Variants in SPSB1 observed in about 807,000 individuals in gnomAD.
SPSB1 encodes splA/ryanodine receptor domain and SOCS box containing 1, also known as SPRY domain-containing SOCS box protein 1.
Under a neutral mutation model 21.2 loss-of-function variants are expected in SPSB1, and 8 were observed. That is an observed-to-expected ratio of 0.38 (90% confidence interval 0.22 to 0.68). SPSB1 has a LOEUF of 0.68. SPSB1 is among the 30% of genes least tolerant of loss of function. The probability of loss-of-function intolerance (pLI) is 0.53; values close to 1 mark genes in which losing one functional copy is unlikely to be tolerated. For synonymous variants in SPSB1, 169 were observed against 161.7 expected (o/e 1.05, Z -0.34); for missense variants, 242 against 377.8 (o/e 0.64, Z 2.98).
At chr1:9,366,402 C>T (rs1209233609) in intron 2 of SPSB1, among the ~76,000 whole-genome samples, 2 of 152,198 alleles carry the variant, frequency 1.3e-5, no homozygotes, top group South Asian at 2.1e-4. Flanking sequence ...ACCTTCAGGC[C>T]GTGGGGCCAG....
At chr1:9,355,362 G>T (rs955105521) in intron 1 of SPSB1, among the ~76,000 whole-genome samples, 2 of 152,234 alleles carry the variant, frequency 1.3e-5, no homozygotes, top group African/African-American at 2.4e-5. Flanking sequence ...CCTCTGTTTT[G>T]ACCAAGCAAA....
intron 1 of SPSB1, among the ~76,000 whole-genome samples, chr1:9,352,214 G>A (rs1033514655): frequency 7.2e-5 from 11 of 152,332 alleles, no homozygotes; most frequent in Admixed American, 6.5e-4. Flanking sequence ...GAGAGGTTGT[G>A]GAGCCGACCT....
rs577393804 is a variant in SPSB1 at position 9,353,540 on chromosome 1, C to T, written c.-149-2203C>T. Among the ~76,000 whole-genome samples the T allele has an allele frequency of 4.6e-5, 7 of 152,296 alleles. No homozygotes were observed. The East Asian group carries it at 9.7e-4, about 21-fold the overall frequency. On this transcript the variant is annotated intron_variant, in intron 1 of 2. Coordinates refer to ENST00000328089, the MANE Select transcript of SPSB1 (RefSeq NM_025106.4). ...GGCCCTCTAGGCTGCAGAGGGGACA[C>T]CTCAGCTCTGTAATGGCTTTGCAGA... is the stretch of plus-strand genomic sequence containing the variant.
chr1:9,350,241 G>A (rs1312478125), intron 1 of SPSB1, among the ~76,000 whole-genome samples: 1 of 152,232 alleles, frequency 6.6e-6, no homozygotes, highest in African/African-American at 2.4e-5. Flanking sequence ...GGACCCCTGC[G>A]TGTGACAGCT....
At chr1:9,301,064 G>T (rs1360978722) in intron 1 of SPSB1, among the ~76,000 whole-genome samples, 1 of 152,242 alleles carries the variant, frequency 6.6e-6, no homozygotes, top group Non-Finnish European at 1.5e-5. Context: ...GCACCTGGTT[G>T]TGCACCTTGC....
intron 1 of SPSB1, among the ~76,000 whole-genome samples, chr1:9,309,346 C>T (rs1483753413): frequency 6.7e-6 from 1 of 150,356 alleles, no homozygotes; most frequent in Non-Finnish European, 1.5e-5. Context: ...GTGACAGATT[C>T]TCTCTCTGTC....
chr1:9,367,737 G>T lies in SPSB1; in HGVS notation c.*162G>T, dbSNP rs11121390. ...TCCGTGGCTGCCTCCATGGGACAAG[G>T]ACCGATTCCAACACAGGCTCCTCTT... On this transcript the variant is annotated 3_prime_UTR_variant, in exon 3 of 3. Transcript: ENST00000328089. This position sits in a 1 kb window ranked among gnomAD's most constrained non-coding sequence, Gnocchi z 5.9. 0.019 allele frequency: 21,398 copies of T among 1,109,980 alleles called. 3,084 individuals are homozygous for T. The African/African-American group carries it at 0.3, about 16-fold the overall frequency. 68.8% of individuals were successfully genotyped at this position (1,109,980 alleles called of 1,614,324 possible). A position where few individuals can be genotyped will look rare whatever the true frequency, so the allele number is the denominator to read the frequency against.
intron 1 of SPSB1, among the ~76,000 whole-genome samples, chr1:9,304,797 C>T (rs1473590149): frequency 6.6e-6 from 1 of 152,070 alleles, no homozygotes; most frequent in Non-Finnish European, 1.5e-5. Context: ...CCTCAGCCCC[C>T]CAGTAGCTGG....
At chr1:9,319,074 A>C (rs1639662563) in intron 1 of SPSB1, among the ~76,000 whole-genome samples, 2 of 152,114 alleles carry the variant, frequency 1.3e-5, no homozygotes, top group African/African-American at 4.8e-5. Context: ...GCTGCTCCAG[A>C]GGCTGAGGTG....
chr1:9,367,855 C>T lies in SPSB1; in HGVS notation c.*280C>T, dbSNP rs1569672878. ...AAAAGACACAGAGAATAAACTCCTA[C>T]GAAAGCCCTACATTGAGCTCCAATC... On this transcript the variant is annotated 3_prime_UTR_variant, in exon 3 of 3. Transcript: ENST00000328089. This position sits in a 1 kb window ranked among gnomAD's most constrained non-coding sequence, Gnocchi z 5.9. The T allele has an allele frequency of 6.7e-6, 3 of 449,606 alleles. No individual in the cohort carries two copies. In the East Asian group the frequency reaches 1.3e-4, roughly 19 times the overall value. 27.9% of individuals were successfully genotyped at this position (449,606 alleles called of 1,614,324 possible).
chr1:9,316,888 C>G (rs1337933895), intron 1 of SPSB1, among the ~76,000 whole-genome samples: 1 of 152,176 alleles, frequency 6.6e-6, no homozygotes, highest in African/African-American at 2.4e-5. Flanking sequence ...CAGTTTCCAT[C>G]TGTGAAATGC....
chr1:9,351,873 G>T (rs191998824), intron 1 of SPSB1, among the ~76,000 whole-genome samples: 2 of 152,198 alleles, frequency 1.3e-5, no homozygotes, highest in African/African-American at 4.8e-5. Context: ...GGCAGAAGTG[G>T]CCGGGTGTGT....
At chr1:9,364,556 C>T (rs1640527157) in intron 2 of SPSB1, among the ~76,000 whole-genome samples, 1 of 152,156 alleles carries the variant, frequency 6.6e-6, no homozygotes, top group African/African-American at 2.4e-5. Flanking sequence ...GTGGGTGGAA[C>T]CCAGTCCCAC....
At chr1:9,357,089 GTGGATGGATGGATGGATGGATGAGTGGA>G (rs201765185) in intron 2 of SPSB1, among the ~76,000 whole-genome samples, 32,982 of 150,166 alleles carry the variant, frequency 0.22, 3,664 homozygotes, top group East Asian at 0.34. Flanking sequence ...GGATGGGTGG[GTGGATGGATGGATGGATGGATGAGTGGA>G]TGGATGGATG....
intron 1 of SPSB1, among the ~76,000 whole-genome samples, chr1:9,307,806 C>T (rs1422319349): frequency 6.6e-6 from 1 of 152,146 alleles, no homozygotes; most frequent in Non-Finnish European, 1.5e-5. Flanking sequence ...CTTCTTGAGC[C>T]CATCAGCAGT....
At chr1:9,362,958 C>A (rs555194129) in intron 2 of SPSB1, among the ~76,000 whole-genome samples, 26 of 152,338 alleles carry the variant, frequency 1.7e-4, no homozygotes, top group African/African-American at 5.8e-4. Context: ...GGCCACAGTG[C>A]AGGTGCCCAC....
chr1:9,295,203 T>A (rs895932302), intron 1 of SPSB1, among the ~76,000 whole-genome samples: 6 of 120,456 alleles, frequency 5.0e-5, no homozygotes, highest in East Asian at 4.7e-4. Flanking sequence ...TGTGTGTGTG[T>A]GTGTGAGAGT....
At position 9,355,809 on chromosome 1, in the gene SPSB1, C is replaced by G. The variant is rs1417026367; in HGVS notation, c.-83C>G. On this transcript the variant is annotated 5_prime_UTR_variant, in exon 2 of 3. Coordinates refer to ENST00000328089, the MANE Select transcript of SPSB1 (RefSeq NM_025106.4). ...GCCCTCATTAGGAATTCTGTCTGGC[C>G]CCGATCAGAATACTGGAGACGAGAC... 1.3e-6 allele frequency: 2 copies of G among 1,502,966 alleles called. No individual in the cohort carries two copies. The highest frequency in any genetic ancestry group is 1.4e-5 in the African/African-American group (1 of 71,520). The allele number at this position is 1,502,966 out of a possible 1,614,324, so 93.1% of individuals were successfully genotyped here.
At chr1:9,315,445 A>AC (rs1639598258) in intron 1 of SPSB1, among the ~76,000 whole-genome samples, 1 of 152,224 alleles carries the variant, frequency 6.6e-6, no homozygotes. Context: ...CAACACACAC[A>AC]CCTTGTGGTT....
Sources: allele counts gnomAD v4.1 joint callset (sites outside exome capture counted in the v4.1 genomes callset), GRCh38; gene constraint gnomAD v4.1.1; non-coding constraint Gnocchi (gnomAD v3.1); transcripts MANE v1.5; gene names NCBI Gene and HGNC (gene_info 2026-07-23, HGNC 2026-07-21).